SLCO4A1: variants seen among roughly 807,000 people sequenced by gnomAD.
SLCO4A1 encodes the protein solute carrier organic anion transporter family member 4A1.
A neutral mutation model predicts 64.6 loss-of-function variants in SLCO4A1; 51 were observed. The ratio of observed to expected loss-of-function variants is 0.79; its 90% confidence interval spans 0.63 to 1.00. The LOEUF is 1.00. Among genes scored for constraint, SLCO4A1 ranks in the 50% least tolerant of loss-of-function variants. The pLI, the probability that SLCO4A1 is intolerant of heterozygous loss-of-function variation, is 0.00. For missense variants in SLCO4A1, 919 were observed against 980.5 expected (o/e 0.94, Z 0.84); for synonymous variants, 471 against 444.9 (o/e 1.06, Z -0.74).
intron 7 of SLCO4A1, 37 bp downstream of exon 7, chr20:62,666,612 C>G: frequency 6.4e-7 from 1 of 1,573,912 alleles, no homozygotes; most frequent in Non-Finnish European, 8.7e-7. Context: ...GCGTCGGGGC[C>G]CCAAGCACCC....
At chr20:62,687,117 CACCCCCAAACA>C (rs1988088735), downstream of SLCO4A1, among the ~76,000 whole-genome samples, 11 of 145,634 alleles carry the variant, frequency 7.6e-5, no homozygotes, top group African/African-American at 2.3e-4. Context: ...TGGGAAAGGG[CACCCCCAAACA>C]GGCACGATGG....
chr20:62,663,003 C>A (rs1601652102), intron 5 of SLCO4A1: 1 of 152,234 alleles, frequency 6.6e-6, no homozygotes, highest in African/African-American at 2.4e-5. Flanking sequence ...AAAGAAGAGG[C>A]TTTTCAATCC....
Position 62,656,733 on chromosome 20 carries a change from G to T in SLCO4A1, c.279G>T (p.Pro93=). The change falls in exon 2 of 12, where the codon CCG becomes CCT. Residue 93 remains proline, a synonymous_variant. Coordinates refer to ENST00000217159, the MANE Select transcript of SLCO4A1 (RefSeq NM_016354.4). ...CGTGCGGCTGGTGGGCCTTCGCACC[G>T]CCGTGCCTGCAGGTCCTCAACACGC... ...SVACGWWAFA[P]PCLQVLNTPK... 1.2e-6 allele frequency: 2 copies of T among 1,611,540 alleles called. No homozygotes were observed. Among genetic ancestry groups the T allele is most frequent in the African/African-American group, 1.3e-5 (1 of 75,028 alleles).
downstream of SLCO4A1, among the ~76,000 whole-genome samples, chr20:62,686,851 G>A (rs571814730): frequency 6.3e-4 from 95 of 151,964 alleles, no homozygotes; most frequent in Middle Eastern, 3.4e-3. Context: ...GAACAGGCAC[G>A]ATGGGTAGGG....
intron 1 of SLCO4A1, among the ~76,000 whole-genome samples, chr20:62,655,503 G>A (rs187115530): frequency 4.6e-4 from 70 of 152,244 alleles, no homozygotes; most frequent in African/African-American, 1.6e-3. Flanking sequence ...GGGGGGAGCT[G>A]TTGCTCCAGG....
At position 62,666,557 on chromosome 20, in the gene SLCO4A1, C is replaced by T. The variant is rs149849362; in HGVS notation, c.1454C>T (p.Thr485Ile). The T allele has an allele frequency of 3.3e-5, 54 of 1,612,612 alleles. No homozygotes were observed. Among genetic ancestry groups the T allele is most frequent in the Non-Finnish European group, 4.5e-5 (53 of 1,179,892 alleles). ...CCCAGTGTGCCCATGGCGGGCGTCACAGCCAGCTACGGCGGGAGGTGAGGG... is the reference window on the plus strand; with the variant it reads ...CCCAGTGTGCCCATGGCGGGCGTCATAGCCAGCTACGGCGGGAGGTGAGGG... ...HCPSVPMAGVTASYGGSLLPE... is the reference protein window; with the variant it reads ...HCPSVPMAGVIASYGGSLLPE... Residue 485 changes from threonine (T) to isoleucine (I), a missense_variant, in exon 7 of 12, where the codon ACA becomes ATA. Thr to Ile is a moderately conservative substitution (Grantham distance 89). Transcript: ENST00000217159.
intron 2 of SLCO4A1, among the ~76,000 whole-genome samples, chr20:62,679,321 C>T (rs1026563169): frequency 5.9e-5 from 9 of 151,660 alleles, no homozygotes; most frequent in Non-Finnish European, 8.8e-5. Flanking sequence ...TGACGGTGGA[C>T]GTGGTTCCAC....
At chr20:62,654,920 G>A (rs1364161490) in intron 1 of SLCO4A1, among the ~76,000 whole-genome samples, 1 of 152,216 alleles carries the variant, frequency 6.6e-6, no homozygotes, top group Non-Finnish European at 1.5e-5. Context: ...GAGGGAAGGA[G>A]CTACTTCCGG....
intron 1 of SLCO4A1, chr20:62,643,342 C>G (rs1033617533): frequency 4.7e-5 from 10 of 213,678 alleles, no homozygotes; most frequent in Non-Finnish European, 8.8e-5. Flanking sequence ...CGGCCCTAGA[C>G]CGGGAACCTG....
rs778601417 is a variant in SLCO4A1, at chr20:62,668,549, G to A, written c.1876+8G>A. 10 of 1,610,872 alleles carry A rather than the reference G, an allele frequency of 6.2e-6. No homozygotes were observed. Among genetic ancestry groups the A allele is most frequent in the African/African-American group, 4.0e-5 (3 of 74,858 alleles). ...TTGTAGTTAGAATACTAGGTACTGT[G>A]CAGTGTGAGGAAGCCATGGTCAGTT... On this transcript the variant is annotated splice_region_variant and intron_variant, in intron 10 of 11. Coordinates refer to ENST00000217159, the MANE Select transcript of SLCO4A1 (RefSeq NM_016354.4).
intron 1 of SLCO4A1, among the ~76,000 whole-genome samples, chr20:62,652,931 C>G (rs1277081204): frequency 6.6e-6 from 1 of 152,356 alleles, no homozygotes; most frequent in Admixed American, 6.5e-5. Context: ...AGCTGTGACG[C>G]AGACGCTTGG....
downstream of SLCO4A1, among the ~76,000 whole-genome samples, chr20:62,674,152 G>A (rs981227940): frequency 2.0e-5 from 3 of 152,336 alleles, no homozygotes; most frequent in Non-Finnish European, 1.5e-5. Context: ...GCTACGTCCC[G>A]TGGTCCCAGT....
At chr20:62,681,500 A>T (rs995824442) in intron 2 of SLCO4A1, among the ~76,000 whole-genome samples, 4 of 130,546 alleles carry the variant, frequency 3.1e-5, no homozygotes, top group African/African-American at 5.9e-5. Context: ...GTACACACTC[A>T]TGTGTGCGCG....
chr20:62,658,884 A>AC, intron 3 of SLCO4A1, 117 bp downstream of exon 3: 7 of 863,944 alleles, frequency 8.1e-6, no homozygotes, highest in East Asian at 2.7e-5. Flanking sequence ...GGTGCTGGGC[A>AC]CCCCCCGGGC....
At chr20:62,670,629 G>A (rs115448605) in intron 11 of SLCO4A1, among the ~76,000 whole-genome samples, 2 of 152,294 alleles carry the variant, frequency 1.3e-5, no homozygotes, top group South Asian at 2.1e-4. Context: ...CCAGGGAGCC[G>A]TCCCCAGACT....
At chr20:62,665,240 G>C (rs935620695) in intron 6 of SLCO4A1, 152 bp downstream of exon 6, 6 of 797,100 alleles carry the variant, frequency 7.5e-6, no homozygotes, top group Non-Finnish European at 1.2e-5. Flanking sequence ...AGAGCGCCAC[G>C]GGGGCTGAGC....
downstream of SLCO4A1, among the ~76,000 whole-genome samples, chr20:62,688,298 G>A (rs1232158780): frequency 1.3e-5 from 2 of 151,998 alleles, no homozygotes; most frequent in South Asian, 2.1e-4. Context: ...GGCCCCCCAC[G>A]AGGCCTCTTT....
chr20:62,672,372 T>C (rs1987337323), downstream of SLCO4A1: 1 of 819,852 alleles, frequency 1.2e-6, no homozygotes, highest in Non-Finnish European at 1.5e-6. Context: ...CGTCCTGTAG[T>C]CAGCCCTGTG....
chr20:62,675,003 T>G (rs1319156786), downstream of SLCO4A1, among the ~76,000 whole-genome samples: 1 of 152,042 alleles, frequency 6.6e-6, no homozygotes, highest in East Asian at 1.9e-4. Context: ...GGCTGTAGAG[T>G]TTCGACTCCG....
Sources: allele counts gnomAD v4.1 joint callset (sites outside exome capture counted in the v4.1 genomes callset), GRCh38; gene constraint gnomAD v4.1.1; transcripts MANE v1.5; gene names NCBI Gene and HGNC (gene_info 2026-07-23, HGNC 2026-07-21).